The following UGGT2 variants were observed in gnomAD, a reference collection of about 807,000 sequenced individuals.
UGGT2 encodes UDP-glucose:glycoprotein glucosyltransferase 2.
A neutral mutation model predicts 192.1 loss-of-function variants in UGGT2; 180 were observed. The observed-to-expected ratio is 0.94, with a 90% CI of 0.83 to 1.06. UGGT2 has a LOEUF of 1.06. Ranked by LOEUF, UGGT2 falls within the 50% of genes least tolerant of loss-of-function variation. The probability of loss-of-function intolerance (pLI) is 0.00; values close to 1 mark genes in which losing one functional copy is unlikely to be tolerated. For synonymous variants in UGGT2, 580 were observed against 591.0 expected, an observed-to-expected ratio of 0.98 and a Z score of 0.27; for missense variants, 1,849 against 1,795.7, an observed-to-expected ratio of 1.03 and a Z score of -0.54.
chr13:95,984,033 G>C (rs2051213106), intron 9 of UGGT2, among the ~76,000 whole-genome samples, 169 bp from the exon 10 acceptor site: 1 of 152,186 alleles, frequency 6.6e-6, no homozygotes, highest in African/African-American at 2.4e-5. Context: ...TTTGACAAAA[G>C]TATTTGGTTC....
Position 95,854,470 on chromosome 13 carries a change from C to G in UGGT2, c.4014G>C (p.Val1338=), listed in dbSNP as rs761165234. 2 of 1,603,782 alleles carry G rather than the reference C, an allele frequency of 1.2e-6. No individual in the cohort carries two copies. Among genetic ancestry groups the G allele is most frequent in the Non-Finnish European group, 1.7e-6 (2 of 1,176,388 alleles). The change falls in exon 35 of 39, where the codon GTG becomes GTC. Residue 1338 remains valine, a synonymous_variant. Coordinates refer to ENST00000376747, the MANE Select transcript of UGGT2 (RefSeq NM_020121.4). The part of the protein sequence containing the change: ...KIIFVDADQI[V]RHDLKELRDF... ...CTCGAAGTTCTTTTAGATCATGTCT[C>G]ACAATCTAAATAATTAAAATAGACT... is the stretch of plus-strand genomic sequence containing the variant.
chr13:95,901,017 T>C (rs564696177), intron 21 of UGGT2, 79 bp from the exon 22 acceptor site: 2 of 1,037,152 alleles, frequency 1.9e-6, no homozygotes, highest in East Asian at 6.5e-5. Flanking sequence ...AAAACTAATA[T>C]TAGTATAAAA....
chr13:95,877,705 G>A lies in UGGT2; in HGVS notation c.3380C>T (p.Ala1127Val), dbSNP rs765960913. The change falls in exon 28 of 39, where the codon GCA (alanine) becomes GTA (valine). Residue 1127 changes from alanine to valine, a missense_variant. Physicochemically the swap from Ala to Val is moderately conservative, Grantham distance 64 (BLOSUM62 0). Transcript: ENST00000376747. ...KPAVVDTIVM[A>V]HHGYFQLKAN... Reference sequence around the variant, plus strand: ...CAATTAAATAATACTTACATGATGTGCCATCACTATTGTATCAACCACAGC... The same window carrying A: ...CAATTAAATAATACTTACATGATGTACCATCACTATTGTATCAACCACAGC... 6.2e-7 allele frequency: 1 copy of A among 1,611,696 alleles called. No homozygotes were observed. The highest frequency in any genetic ancestry group is 8.5e-7 in the Non-Finnish European group (1 of 1,179,122).
intron 25 of UGGT2, 126 bp from the exon 26 acceptor site, chr13:95,888,097 C>T (rs1200017154): frequency 5.2e-6 from 3 of 578,040 alleles, no homozygotes; most frequent in Non-Finnish European, 8.5e-6. Flanking sequence ...ATCCTTACAA[C>T]GCCCTGCTGA....
At chr13:95,956,874 C>T (rs2050226904) in intron 12 of UGGT2, among the ~76,000 whole-genome samples, 1 of 152,224 alleles carries the variant, frequency 6.6e-6, no homozygotes, top group African/African-American at 2.4e-5. Flanking sequence ...GGTACTTGTA[C>T]ATCAAAGTTC....
chr13:95,994,055 C>T (rs61972953), intron 7 of UGGT2, among the ~76,000 whole-genome samples: 3,858 of 151,930 alleles, frequency 0.025, 60 homozygotes, highest in Non-Finnish European at 0.034. Flanking sequence ...GAGTAATAAA[C>T]GTTTTCTTTT....
intron 38 of UGGT2, among the ~76,000 whole-genome samples, chr13:95,803,250 G>C (rs1158536481): frequency 6.6e-6 from 1 of 151,958 alleles, no homozygotes; most frequent in Non-Finnish European, 1.5e-5. Flanking sequence ...GGGGAAAGAG[G>C]TTTTTGGTTT....
At chr13:95,994,549 C>T (rs1272626521) in intron 7 of UGGT2, among the ~76,000 whole-genome samples, 3 of 151,264 alleles carry the variant, frequency 2.0e-5, no homozygotes, top group Non-Finnish European at 4.4e-5. Context: ...TTATTTTATT[C>T]ATGTTTAACA....
chr13:95,812,324 C>T (rs1884625099), intron 38 of UGGT2, among the ~76,000 whole-genome samples: 1 of 152,172 alleles, frequency 6.6e-6, no homozygotes, highest in Non-Finnish European at 1.5e-5. Context: ...GATTTACCCA[C>T]AGAACACCCT....
At chr13:95,901,570 G>A (rs1050673957) in intron 21 of UGGT2, among the ~76,000 whole-genome samples, 2 of 152,004 alleles carry the variant, frequency 1.3e-5, no homozygotes, top group African/African-American at 4.8e-5. Context: ...ATATACTTCA[G>A]TAGAATCCAG....
chr13:95,853,624 C>T lies in UGGT2; in HGVS notation c.4203G>A (p.Arg1401=), dbSNP rs767916536. The change falls in exon 36 of 39, where the codon AGG becomes AGA. Residue 1401 remains arginine (R), a synonymous_variant. Transcript: ENST00000376747. The part of the protein sequence containing the change: ...ALYVVDLKKF[R]RIGAGDRLRS... ...TGAGCCTGTCACCTGCTCCAATTCT[C>T]CTGAACTTCTTGAGATCCACTACAT... 2 of 1,588,324 alleles carry T rather than the reference C, an allele frequency of 1.3e-6. No homozygotes were observed. Among genetic ancestry groups the T allele is most frequent in the South Asian group, 2.3e-5 (2 of 85,996 alleles).
At chr13:95,930,667 G>C (rs184260979) in intron 17 of UGGT2, among the ~76,000 whole-genome samples, 3 of 152,282 alleles carry the variant, frequency 2.0e-5, no homozygotes, top group African/African-American at 7.2e-5. Flanking sequence ...TAGCCTCATA[G>C]TGTACTGTGA....
intron 38 of UGGT2, among the ~76,000 whole-genome samples, chr13:95,818,241 A>G (rs1323339137): frequency 6.6e-6 from 1 of 152,204 alleles, no homozygotes; most frequent in African/African-American, 2.4e-5. Context: ...TGAGCCCAGG[A>G]GATCGAGGAT....
At chr13:95,870,461 T>C (rs369628898) in intron 29 of UGGT2, among the ~76,000 whole-genome samples, 7 of 152,156 alleles carry the variant, frequency 4.6e-5, no homozygotes, top group African/African-American at 1.7e-4. Flanking sequence ...CATGGAGACA[T>C]TGAGGTTTTC....
chr13:95,930,452 A>T (rs1200779015), intron 17 of UGGT2, among the ~76,000 whole-genome samples: 1 of 152,140 alleles, frequency 6.6e-6, no homozygotes, highest in African/African-American at 2.4e-5. Context: ...CGTGGTGAAA[A>T]GTAGGGGTCC....
At chr13:95,944,286 C>CTATT (rs1404365941) in intron 15 of UGGT2, among the ~76,000 whole-genome samples, 1 of 151,870 alleles carries the variant, frequency 6.6e-6, no homozygotes, top group Non-Finnish European at 1.5e-5. Context: ...TCCTCTTTTT[C>CTATT]TATTCTCTAA....
rs540858360 is a variant in UGGT2, at chr13:96,034,298, T to C, written c.159-2327A>G. Among the ~76,000 whole-genome samples the C allele has an allele frequency of 1.2e-4, 19 of 152,316 alleles. No individual in the cohort carries two copies. The South Asian group carries it at 3.9e-3, about 32-fold the overall frequency. On this transcript the variant is annotated intron_variant, in intron 1 of 38. Transcript: ENST00000376747. Reference sequence around the variant, plus strand: ...CTGTGAAAAGGAGCTACCCACTCCATGTCTCCTCTCTAGTGACAGCTGCGC... The same window carrying C: ...CTGTGAAAAGGAGCTACCCACTCCACGTCTCCTCTCTAGTGACAGCTGCGC...
intron 38 of UGGT2, among the ~76,000 whole-genome samples, chr13:95,806,963 T>C (rs773083182): frequency 3.9e-5 from 6 of 152,144 alleles, no homozygotes; most frequent in African/African-American, 1.2e-4. Flanking sequence ...TCTTTGTGAA[T>C]TGGATTGGGC....
intron 20 of UGGT2, among the ~76,000 whole-genome samples, chr13:95,919,731 C>T (rs2048789042): frequency 6.6e-6 from 1 of 152,166 alleles, no homozygotes; most frequent in Non-Finnish European, 1.5e-5. Context: ...AAAAACATTC[C>T]ATGCTCATGG....
Sources: allele counts gnomAD v4.1 joint callset (sites outside exome capture counted in the v4.1 genomes callset), GRCh38; gene constraint gnomAD v4.1.1; transcripts MANE v1.5; gene names NCBI Gene and HGNC (gene_info 2026-07-23, HGNC 2026-07-21).